PUS7L: variants seen among roughly 807,000 people sequenced by gnomAD.
PUS7L encodes the protein pseudouridylate synthase PUS7L.
PUS7L carries 49 observed loss-of-function variants against 51.1 expected under a neutral mutation model. The observed-to-expected ratio is 0.96, with a 90% CI of 0.76 to 1.22. PUS7L has a LOEUF of 1.22. Ranked by LOEUF, PUS7L falls within the 50% of genes most tolerant of loss-of-function variation. The pLI, the probability that PUS7L is intolerant of heterozygous loss-of-function variation, is 0.00. For missense variants in PUS7L, 828 were observed against 820.6 expected, an observed-to-expected ratio of 1.01 and a Z score of -0.11; for synonymous variants, 277 against 276.2, an observed-to-expected ratio of 1.00 and a Z score of -0.03.
At chr12:43,735,606 T>G (rs1944667116) in intron 7 of PUS7L, among the ~76,000 whole-genome samples, 1 of 152,008 alleles carries the variant, frequency 6.6e-6, no homozygotes, top group African/African-American at 2.4e-5. Context: ...TCCTACCTTT[T>G]CTTTTCTCGG....
Position 43,754,536 on chromosome 12 carries a change from G to T in PUS7L, c.710C>A (p.Thr237Lys). 2 of 1,612,216 alleles carry T rather than the reference G, an allele frequency of 1.2e-6. No homozygotes were observed. The highest frequency in any genetic ancestry group is 2.2e-5 in the South Asian group (2 of 90,698). The change falls in exon 2 of 9, where the codon ACA (threonine) becomes AAA (lysine). Residue 237 changes from threonine (T) to lysine (K), a missense_variant. Thr to Lys is a moderately conservative substitution (Grantham distance 78, BLOSUM62 -1). Coordinates refer to ENST00000344862, the MANE Select transcript of PUS7L (RefSeq NM_031292.5). ...GACAGCTTTTCTGTGGTCTTTGTTT[G>T]TATCAGGTTTAAAGGTAAATTTGGA... ...ENSKFTFKPD[T>K]NKDHRKAVHH...
intron 1 of PUS7L, among the ~76,000 whole-genome samples, chr12:43,756,234 T>G (rs1938693861): frequency 6.6e-6 from 1 of 152,240 alleles, no homozygotes; most frequent in African/African-American, 2.4e-5. Flanking sequence ...TAAGATATAC[T>G]TACTTTCCTT....
At position 43,746,125 on chromosome 12, in the gene PUS7L, A is replaced by G; in HGVS notation, c.1184T>C (p.Val395Ala). Residue 395 changes from valine to alanine, a missense_variant, in exon 4 of 9, where the codon GTC (valine) becomes GCC (alanine). Val to Ala is a moderately conservative substitution (Grantham distance 64, BLOSUM62 0). Transcript: ENST00000344862. ...TATTTGTTTTTTTAAATTTCTAATG[A>G]CAATATCAAAGTGATTTCCTTTGAG... Reference protein sequence around the residue: ...GQLKGNHFDIVIRNLKKQIND... With the variant: ...GQLKGNHFDIAIRNLKKQIND... The G allele has an allele frequency of 1.3e-6, 2 of 1,512,948 alleles. No homozygotes were observed. Among genetic ancestry groups the G allele is most frequent in the East Asian group, 2.3e-5 (1 of 44,012 alleles). 93.7% of individuals were successfully genotyped at this position (1,512,948 alleles called of 1,614,324 possible).
At chr12:43,740,853 A>G (rs487640) in intron 5 of PUS7L, 4 of 150,250 alleles carry the variant, frequency 2.7e-5, no homozygotes, top group East Asian at 1.9e-4. Context: ...CCATGCCACA[A>G]ATAGTTTTAA....
Position 43,729,450 on chromosome 12 carries a change from C to A in PUS7L, c.*926G>T. The A allele has an allele frequency of 2.7e-6, 1 of 364,574 alleles. No individual in the cohort carries two copies. Among genetic ancestry groups the A allele is most frequent in the South Asian group, 1.5e-4 (1 of 6,696 alleles). 22.6% of individuals were successfully genotyped at this position (364,574 alleles called of 1,614,324 possible). ...CTACATGCCAGTCATTCCTCCCCAA[C>A]ACACCCATATTTAACTGATATAAAA... On this transcript the variant is annotated 3_prime_UTR_variant, in exon 9 of 9. Transcript: ENST00000344862.
rs762004945 is a variant in PUS7L at position 43,731,799 on chromosome 12, G to A, written c.1726-41C>T. The A allele has an allele frequency of 2.4e-5, 30 of 1,264,970 alleles. No homozygotes were observed. The South Asian group carries it at 2.5e-4, about 11-fold the overall frequency. 78.4% of individuals were successfully genotyped at this position (1,264,970 alleles called of 1,614,324 possible). ...ATGAAAATATGAATGATTCCCAAAT[G>A]TTCCAAATTTCCACCACTTTCAATT... On this transcript the variant is annotated intron_variant, in intron 7 of 8. Coordinates refer to ENST00000344862, the MANE Select transcript of PUS7L (RefSeq NM_031292.5).
chr12:43,751,839 C>T (rs1938465686), intron 2 of PUS7L, among the ~76,000 whole-genome samples: 1 of 152,184 alleles, frequency 6.6e-6, no homozygotes, highest in Non-Finnish European at 1.5e-5. Context: ...TCCTATTTCT[C>T]CACATCCTCT....
rs757915823 is a variant in PUS7L, at chr12:43,730,497, T to A, written c.1985A>T (p.Asp662Val). Residue 662 changes from aspartate to valine, a missense_variant, in exon 9 of 9, where the codon GAT becomes GTT. Coordinates refer to ENST00000344862, the MANE Select transcript of PUS7L (RefSeq NM_031292.5). The stretch of plus-strand genomic sequence containing the variant: ...AATGTGGGAACCTTTCGTTTTGACA[T>A]CAATGTCATGATCTTCCATTAGTTG... ...SYQLMEDHDI[D>V]VKTKGSHIDE... 1 of 1,613,894 alleles carries A rather than the reference T, an allele frequency of 6.2e-7. No homozygotes were observed. Among genetic ancestry groups the A allele is most frequent in the Non-Finnish European group, 8.5e-7 (1 of 1,179,834 alleles).
chr12:43,742,357 A>G, intron 5 of PUS7L, 100 bp downstream of exon 5: 2 of 761,020 alleles, frequency 2.6e-6, no homozygotes, highest in Non-Finnish European at 4.5e-6. Context: ...GTGAGTGTTT[A>G]CATGCATTTA....
chr12:43,726,907 A>C lies in PUS7L; in HGVS notation c.*3469T>G, dbSNP rs1195928588. 1 of 152,224 alleles carries C rather than the reference A, an allele frequency of 6.6e-6. No homozygotes were observed. The highest frequency in any genetic ancestry group is 6.5e-5 in the Admixed American group (1 of 15,280). 9.4% of individuals were successfully genotyped at this position (152,224 alleles called of 1,614,324 possible). A position where few individuals can be genotyped will look rare whatever the true frequency, so the allele number is the denominator to read the frequency against. On this transcript the variant is annotated 3_prime_UTR_variant, in exon 9 of 9. Coordinates refer to ENST00000344862, the MANE Select transcript of PUS7L (RefSeq NM_031292.5). ...AGCCAAAGAAACTATCAACAGAGTA[A>C]ACTGACAATCTACAGAATGGGAGAG...
intron 2 of PUS7L, among the ~76,000 whole-genome samples, chr12:43,749,821 C>T (rs1375059423): frequency 1.3e-5 from 2 of 152,138 alleles, no homozygotes; most frequent in Non-Finnish European, 2.9e-5. Flanking sequence ...CATGTTCTCA[C>T]TTATAAGTAG....
Position 43,730,251 on chromosome 12 carries a change from G to C in PUS7L, c.*125C>G. Reference sequence around the variant, plus strand: ...ACAGTATCAAATCCTAACTTCTCAGGATGCTGTGAAAATTAAAAGAGATAA... The same window carrying C: ...ACAGTATCAAATCCTAACTTCTCAGCATGCTGTGAAAATTAAAAGAGATAA... On this transcript the variant is annotated 3_prime_UTR_variant, in exon 9 of 9. Coordinates refer to ENST00000344862, the MANE Select transcript of PUS7L (RefSeq NM_031292.5). The C allele has an allele frequency of 1.5e-6, 1 of 678,250 alleles. No individual in the cohort carries two copies. Among genetic ancestry groups the C allele is most frequent in the Non-Finnish European group, 2.5e-6 (1 of 405,124 alleles). 42.0% of individuals were successfully genotyped at this position (678,250 alleles called of 1,614,324 possible).
At position 43,727,972 on chromosome 12, in the gene PUS7L, A is replaced by G. The variant is rs148333292; in HGVS notation, c.*2404T>C. ...ACACAGCTTCTCCTTCGGCATGTTT[A>G]ATTGGCATGTGATGTTTAAAGGACA... On this transcript the variant is annotated 3_prime_UTR_variant, in exon 9 of 9. Transcript: ENST00000344862. 7.9e-5 allele frequency: 12 copies of G among 152,220 alleles called. No individual in the cohort carries two copies. The highest frequency in any genetic ancestry group is 2.9e-4 in the African/African-American group (12 of 41,530). 9.4% of individuals were successfully genotyped at this position (152,220 alleles called of 1,614,324 possible).
intron 7 of PUS7L, 105 bp from the exon 8 acceptor site, chr12:43,731,863 G>A: frequency 1.5e-6 from 1 of 671,784 alleles, no homozygotes; most frequent in Non-Finnish European, 2.6e-6. Context: ...TTCCTATGCT[G>A]AATATACATA....
rs748784386 is a variant in PUS7L at position 43,725,668 on chromosome 12, G to C, written c.*4708C>G. 1 of 152,116 alleles carries C rather than the reference G, an allele frequency of 6.6e-6. No individual in the cohort carries two copies. The highest frequency in any genetic ancestry group is 2.1e-4 in the South Asian group (1 of 4,824). The allele number at this position is 152,116 out of a possible 1,614,324, so 9.4% of individuals were successfully genotyped here. On this transcript the variant is annotated 3_prime_UTR_variant, in exon 9 of 9. Coordinates refer to ENST00000344862, the MANE Select transcript of PUS7L (RefSeq NM_031292.5). Reference sequence around the variant, plus strand: ...TCCCCAAAGTGTTGGGATTACAGGCGTGAGCCACCGTGCCTGGCCTAAATG... The same window carrying C: ...TCCCCAAAGTGTTGGGATTACAGGCCTGAGCCACCGTGCCTGGCCTAAATG...
chr12:43,747,096 G>A (rs1483088585), intron 3 of PUS7L, among the ~76,000 whole-genome samples: 7 of 152,080 alleles, frequency 4.6e-5, no homozygotes, highest in African/African-American at 7.2e-5. Context: ...TTAAACATGC[G>A]TTAACTAAGA....
chr12:43,721,215 C>T lies in PUS7L; in HGVS notation c.*9161G>A, dbSNP rs948022400. ...GTGGTTATCATCATGCCCTTAAAAC[C>T]AAAAAGGGCCAGGTTAGACTCTCTT... On this transcript the variant is annotated 3_prime_UTR_variant, in exon 9 of 9. Transcript: ENST00000344862. The T allele has an allele frequency of 2.0e-5, 3 of 151,954 alleles. No homozygotes were observed. Among genetic ancestry groups the T allele is most frequent in the Non-Finnish European group, 2.9e-5 (2 of 67,960 alleles). 9.4% of individuals were successfully genotyped at this position (151,954 alleles called of 1,614,324 possible). A position where few individuals can be genotyped will look rare whatever the true frequency, so the allele number is the denominator to read the frequency against.
intron 6 of PUS7L, 97 bp from the exon 7 acceptor site, chr12:43,736,758 G>C: frequency 9.2e-7 from 1 of 1,081,614 alleles, no homozygotes; most frequent in Non-Finnish European, 1.3e-6. Context: ...CAATGAACAT[G>C]GGTATTAAGA....
In PUS7L at chr12:43,755,224, T is replaced by C. The variant is rs748126133; in HGVS notation, c.22A>G (p.Arg8Gly). 14 of 1,599,040 alleles carry C rather than the reference T, an allele frequency of 8.8e-6. No homozygotes were observed. In the South Asian group the frequency reaches 1.3e-4, roughly 15 times the overall value. MEEDTDY[R>G]IRFSSLCFFN... The stretch of plus-strand genomic sequence containing the variant: ...AAACACAAAGAACTAAACCTGATTC[T>C]ATAATCTGTATCTTCTTCCATTCTT... Residue 8 changes from arginine to glycine, a missense_variant, in exon 2 of 9, where the codon AGA (arginine) becomes GGA (glycine). Physicochemically the swap from Arg to Gly is moderately radical, Grantham distance 125. Transcript: ENST00000344862.
Sources: gnomAD v4.1 joint callset for allele counts (sites outside exome capture counted in the v4.1 genomes callset) on GRCh38, gnomAD v4.1.1 for gene constraint, MANE v1.5 for transcripts, NCBI Gene and HGNC (gene_info 2026-07-23, HGNC 2026-07-21) for gene names.